Variants in FGF2 observed in about 807,000 individuals in gnomAD.
The protein encoded by FGF2 is basic fibroblast growth factor bFGF.
In FGF2, 13 loss-of-function variants were observed where a neutral mutation model predicts 15.9. That is an observed-to-expected ratio of 0.82 (90% confidence interval 0.53 to 1.30). FGF2 has a LOEUF of 1.30. Among genes scored for constraint, FGF2 ranks in the 50% most tolerant of loss-of-function variants. FGF2 has a pLI of 0.00. For synonymous variants in FGF2, 90 were observed against 78.4 expected, an observed-to-expected ratio of 1.15 and a Z score of -0.78; for missense variants, 163 against 196.9, an observed-to-expected ratio of 0.83 and a Z score of 1.03.
At chr4:122,831,556 A>G (rs554331751) in intron 1 of FGF2, among the ~76,000 whole-genome samples, 15 of 152,362 alleles carry the variant, frequency 9.8e-5, no homozygotes, top group African/African-American at 3.4e-4. Flanking sequence ...ACTGTAATAA[A>G]TATTGGGTGC....
chr4:122,892,718 G>A lies in FGF2; in HGVS notation c.*322G>A, dbSNP rs1261387492. ...TGTTTAGAAACAAAATTTCTTCATGGAAATCATATACATTAGAAAATCACA... is the reference window on the plus strand; with the variant it reads ...TGTTTAGAAACAAAATTTCTTCATGAAAATCATATACATTAGAAAATCACA... On this transcript the variant is annotated 3_prime_UTR_variant, in exon 3 of 3. Coordinates refer to ENST00000644866, the MANE Select transcript of FGF2 (RefSeq NM_001361665.2). 1 of 1,342,904 alleles carries A rather than the reference G, an allele frequency of 7.4e-7. No individual in the cohort carries two copies. Among genetic ancestry groups the A allele is most frequent in the Non-Finnish European group, 9.9e-7 (1 of 1,006,970 alleles). 83.2% of individuals were successfully genotyped at this position (1,342,904 alleles called of 1,614,324 possible).
At chr4:122,838,055 G>C (rs969524481) in intron 1 of FGF2, among the ~76,000 whole-genome samples, 3 of 152,178 alleles carry the variant, frequency 2.0e-5, no homozygotes, top group African/African-American at 7.2e-5. Context: ...TTTGTTAACT[G>C]TTTTAATTGA....
intron 1 of FGF2, among the ~76,000 whole-genome samples, chr4:122,838,159 G>A (rs1399408952): frequency 6.6e-6 from 1 of 152,166 alleles, no homozygotes; most frequent in African/African-American, 2.4e-5. Context: ...TGAGAAAAGT[G>A]AGACATAGAT....
At position 122,894,077 on chromosome 4, in the gene FGF2, T is replaced by C. The variant is rs1041277452; in HGVS notation, c.*1681T>C. ...TCACAGAAACATGTCTCAATTCCCA[T>C]GTGCTGTGACTGTAGACTGTCTTAC... is the stretch of plus-strand genomic sequence containing the variant. On this transcript the variant is annotated 3_prime_UTR_variant, in exon 3 of 3. Transcript: ENST00000644866. 1 of 152,246 alleles carries C rather than the reference T, an allele frequency of 6.6e-6. No individual in the cohort carries two copies. The highest frequency in any genetic ancestry group is 1.5e-5 in the Non-Finnish European group (1 of 68,038). The allele number at this position is 152,246 out of a possible 1,614,324, so 9.4% of individuals were successfully genotyped here.
chr4:122,893,196 C>G lies in FGF2; in HGVS notation c.*800C>G. 1 of 1,609,178 alleles carries G rather than the reference C, an allele frequency of 6.2e-7. No individual in the cohort carries two copies. The highest frequency in any genetic ancestry group is 8.5e-7 in the Non-Finnish European group (1 of 1,177,070). On this transcript the variant is annotated 3_prime_UTR_variant, in exon 3 of 3. Coordinates refer to ENST00000644866, the MANE Select transcript of FGF2 (RefSeq NM_001361665.2). The stretch of plus-strand genomic sequence containing the variant: ...CTGAATTCTGATTTTATACCAGTCT[C>G]TTCAAAAACTTCTCGAACCGCTGTG...
At position 122,897,101 on chromosome 4, in the gene FGF2, T is replaced by C. The variant is rs1727384173; in HGVS notation, c.*4705T>C. 6.6e-6 allele frequency: 1 copy of C among 152,426 alleles called. No homozygotes were observed. The highest frequency in any genetic ancestry group is 2.1e-4 in the South Asian group (1 of 4,840). 9.4% of individuals were successfully genotyped at this position (152,426 alleles called of 1,614,324 possible). A position where few individuals can be genotyped will look rare whatever the true frequency, so the allele number is the denominator to read the frequency against. On this transcript the variant is annotated 3_prime_UTR_variant, in exon 3 of 3. Transcript: ENST00000644866. ...GTTGAGACTTTCTTATATGACATTT[T>C]ACTATGTTTTGACTACCTGACTATT...
chr4:122,862,858 T>A (rs1352703021), intron 1 of FGF2, among the ~76,000 whole-genome samples: 1 of 152,204 alleles, frequency 6.6e-6, no homozygotes, highest in Non-Finnish European at 1.5e-5. Flanking sequence ...GGATTTAATA[T>A]CAACATTAGA....
At chr4:122,833,501 A>G (rs1032192369) in intron 1 of FGF2, among the ~76,000 whole-genome samples, 2 of 152,208 alleles carry the variant, frequency 1.3e-5, no homozygotes, top group Non-Finnish European at 2.9e-5. Context: ...AGAAATTTGT[A>G]CAGAGTAGTA....
At chr4:122,878,658 A>T (rs1726904562) in intron 2 of FGF2, among the ~76,000 whole-genome samples, 1 of 152,170 alleles carries the variant, frequency 6.6e-6, no homozygotes, top group Non-Finnish European at 1.5e-5. Context: ...AGTGTAGAGA[A>T]TGGACTTGAG....
In FGF2 at chr4:122,892,800, A is replaced by T; in HGVS notation, c.*404A>T. 6.5e-7 allele frequency: 1 copy of T among 1,528,666 alleles called. No individual in the cohort carries two copies. The highest frequency in any genetic ancestry group is 8.9e-7 in the Non-Finnish European group (1 of 1,124,832). 94.7% of individuals were successfully genotyped at this position (1,528,666 alleles called of 1,614,324 possible). ...TATTTCTTATGTCATTCGTTAGTCT[A>T]CATGTTTCTAAACATATAAATGTGA... On this transcript the variant is annotated 3_prime_UTR_variant, in exon 3 of 3. Coordinates refer to ENST00000644866, the MANE Select transcript of FGF2 (RefSeq NM_001361665.2).
intron 2 of FGF2, among the ~76,000 whole-genome samples, chr4:122,877,827 A>G (rs144810087): frequency 6.6e-6 from 1 of 152,344 alleles, no homozygotes; most frequent in African/African-American, 2.4e-5. Context: ...AAAAGCACCA[A>G]AACAAGGCTT....
intron 1 of FGF2, among the ~76,000 whole-genome samples, chr4:122,842,369 G>A (rs1043611192): frequency 1.3e-5 from 2 of 152,162 alleles, no homozygotes; most frequent in South Asian, 4.1e-4. Flanking sequence ...TTCTCAAAAG[G>A]TTATCTGTGG....
chr4:122,865,611 T>C (rs1415231777), intron 1 of FGF2, among the ~76,000 whole-genome samples: 1 of 152,228 alleles, frequency 6.6e-6, no homozygotes, highest in Admixed American at 6.5e-5. Context: ...TGGAAATGCA[T>C]TGCCTAATTT....
intron 2 of FGF2, among the ~76,000 whole-genome samples, chr4:122,877,442 T>C (rs1351971098): frequency 6.6e-6 from 1 of 152,186 alleles, no homozygotes; most frequent in Non-Finnish European, 1.5e-5. Flanking sequence ...TTTTACATGT[T>C]ATCACAGCTT....
Position 122,894,767 on chromosome 4 carries a change from CAT to C in FGF2, c.*2372_*2373del, listed in dbSNP as rs1465734199. ...TTTGAAAAATAATTATGGGGAAATA[CAT>C]GTTTGTTATTAAATTTATTATTAAA... On this transcript the variant is annotated 3_prime_UTR_variant, in exon 3 of 3. Transcript: ENST00000644866. 6.6e-6 allele frequency: 1 copy of C among 152,000 alleles called. No individual in the cohort carries two copies. The highest frequency in any genetic ancestry group is 2.4e-5 in the African/African-American group (1 of 41,382). 9.4% of individuals were successfully genotyped at this position (152,000 alleles called of 1,614,324 possible).
At chr4:122,844,946 T>C (rs1026595881) in intron 1 of FGF2, among the ~76,000 whole-genome samples, 2 of 152,120 alleles carry the variant, frequency 1.3e-5, no homozygotes, top group African/African-American at 4.8e-5. Flanking sequence ...CTCCAGAAGG[T>C]TTTCAATTTA....
rs998622818 is a variant in FGF2, at chr4:122,896,725, T to A, written c.*4329T>A. ...GCTATATAATGTATGTATGGTATTT[T>A]GATTTGTGTAAAAGTTTTAAAAATC... On this transcript the variant is annotated 3_prime_UTR_variant, in exon 3 of 3. Transcript: ENST00000644866. 3.9e-5 allele frequency: 6 copies of A among 152,370 alleles called. No individual in the cohort carries two copies. The highest frequency in any genetic ancestry group is 2.0e-4 in the Admixed American group (3 of 15,306). 9.4% of individuals were successfully genotyped at this position (152,370 alleles called of 1,614,324 possible).
intron 2 of FGF2, among the ~76,000 whole-genome samples, chr4:122,881,320 T>C (rs1176041435): frequency 6.6e-6 from 1 of 152,222 alleles, no homozygotes; most frequent in Non-Finnish European, 1.5e-5. Flanking sequence ...GAATTTTTCC[T>C]CAGAAAATGG....
chr4:122,870,999 T>A (rs1726719653), intron 1 of FGF2, among the ~76,000 whole-genome samples: 1 of 152,228 alleles, frequency 6.6e-6, no homozygotes. Flanking sequence ...TTTAGCTGTG[T>A]CTCAAAGATT....
Sources: gnomAD v4.1 joint callset for allele counts (sites outside exome capture counted in the v4.1 genomes callset) on GRCh38, gnomAD v4.1.1 for gene constraint, MANE v1.5 for transcripts, NCBI Gene and HGNC (gene_info 2026-07-23, HGNC 2026-07-21) for gene names.